The following CPQ variants were observed in gnomAD, a reference collection of about 807,000 sequenced individuals.
CPQ encodes the protein Ser-Met dipeptidase.
CPQ carries 37 observed loss-of-function variants against 45.7 expected under a neutral mutation model. The observed-to-expected ratio is 0.81, with a 90% CI of 0.62 to 1.07. The LOEUF is 1.07. Ranked by LOEUF, CPQ falls within the 50% of genes least tolerant of loss-of-function variation. The pLI, the probability that CPQ is intolerant of heterozygous loss-of-function variation, is 0.00. For synonymous variants in CPQ, 186 were observed against 205.8 expected, an observed-to-expected ratio of 0.90 and a Z score of 0.82; for missense variants, 537 against 572.9, an observed-to-expected ratio of 0.94 and a Z score of 0.64.
intron 1 of CPQ, among the ~76,000 whole-genome samples, chr8:96,646,439 G>C (rs956646667): frequency 6.6e-6 from 1 of 152,152 alleles, no homozygotes; most frequent in African/African-American, 2.4e-5. Flanking sequence ...TGTAAAACCA[G>C]GCTTTTCTTT....
In CPQ at chr8:96,774,509, G is replaced by A. The variant is rs1435086628; in HGVS notation, c.-34-10355G>A. On this transcript the variant is annotated intron_variant, in intron 1 of 7. Coordinates refer to ENST00000220763, the MANE Select transcript of CPQ (RefSeq NM_016134.4). The stretch of plus-strand genomic sequence containing the variant: ...AATGTGTCACATGAGTGATAATGAG[G>A]TTGTGAGCTAGGGAAGTGATGGTAA... Among the ~76,000 whole-genome samples the A allele has an allele frequency of 2.0e-5, 3 of 152,138 alleles. No individual in the cohort carries two copies. The South Asian group carries it at 6.2e-4, about 32-fold the overall frequency.
At chr8:96,922,801 G>C (rs2130912233) in intron 4 of CPQ, among the ~76,000 whole-genome samples, 1 of 152,202 alleles carries the variant, frequency 6.6e-6, no homozygotes, top group Middle Eastern at 3.4e-3. Context: ...CTCCTCTCAA[G>C]TGAATACATA....
At chr8:96,682,845 A>T (rs952615705) in intron 1 of CPQ, among the ~76,000 whole-genome samples, 2 of 152,092 alleles carry the variant, frequency 1.3e-5, no homozygotes, top group African/African-American at 2.4e-5. Context: ...TACAGATGAG[A>T]TGAGTTTCTT....
At chr8:96,838,317 A>C (rs1023831390) in intron 3 of CPQ, among the ~76,000 whole-genome samples, 1 of 152,148 alleles carries the variant, frequency 6.6e-6, no homozygotes, top group Non-Finnish European at 1.5e-5. Flanking sequence ...GGGTGGTCAG[A>C]ATGTGGCCTT....
intron 4 of CPQ, among the ~76,000 whole-genome samples, chr8:96,889,093 G>A (rs1211305093): frequency 6.6e-6 from 1 of 152,222 alleles, no homozygotes; most frequent in Non-Finnish European, 1.5e-5. Flanking sequence ...CCCATTAGGA[G>A]GGACAGCCCA....
At chr8:97,059,033 C>T (rs961225227) in intron 6 of CPQ, among the ~76,000 whole-genome samples, 5 of 151,990 alleles carry the variant, frequency 3.3e-5, no homozygotes, top group African/African-American at 9.7e-5. Context: ...CTGTTATGAC[C>T]GTAGTGTCAT....
At chr8:97,002,905 A>G (rs79426698) in intron 5 of CPQ, among the ~76,000 whole-genome samples, 1 of 152,084 alleles carries the variant, frequency 6.6e-6, no homozygotes, top group Admixed American at 6.6e-5. Context: ...AGTCTCCTTG[A>G]AGTTCTCTAG....
chr8:96,703,834 A>C (rs1261315793), intron 1 of CPQ, among the ~76,000 whole-genome samples: 1 of 152,130 alleles, frequency 6.6e-6, no homozygotes. Flanking sequence ...AGAATCTGTA[A>C]GGGGATTCTT....
At chr8:96,878,031 C>T (rs142790150) in intron 3 of CPQ, among the ~76,000 whole-genome samples, 2,489 of 152,048 alleles carry the variant, frequency 0.016, 68 homozygotes, top group African/African-American at 0.054. Context: ...GGCATGATCT[C>T]GGCTCACTGC....
At chr8:97,125,394 G>A (rs1445332249) in intron 7 of CPQ, among the ~76,000 whole-genome samples, 2 of 152,068 alleles carry the variant, frequency 1.3e-5, no homozygotes, top group African/African-American at 2.4e-5. Flanking sequence ...ATTTTATAAG[G>A]CGTGTATGAC....
intron 1 of CPQ, among the ~76,000 whole-genome samples, chr8:96,744,317 GCCTC>G (rs1810143843): frequency 6.6e-6 from 1 of 152,250 alleles, no homozygotes; most frequent in African/African-American, 2.4e-5. Flanking sequence ...GTGAGGCAAT[GCCTC>G]GCCCTGCTTC....
chr8:97,117,588 A>G (rs1197640626), intron 7 of CPQ, among the ~76,000 whole-genome samples: 1 of 152,134 alleles, frequency 6.6e-6, no homozygotes, highest in Non-Finnish European at 1.5e-5. Context: ...GCTTGAGTAC[A>G]GTGGTGCAAC....
Position 96,734,344 on chromosome 8 carries a change from A to G in CPQ, c.-34-50520A>G, listed in dbSNP as rs1237497384. ...CAGGCTTCCCACATCCTCTTTGGAT[A>G]TTCTCCAGTCCATTCTCCATGTTGC... On this transcript the variant is annotated intron_variant, in intron 1 of 7. Transcript: ENST00000220763. 2.0e-5 allele frequency among the ~76,000 whole-genome samples: 3 copies of G among 152,142 alleles called. 1 individual carries two copies. The highest frequency in any genetic ancestry group is 4.4e-5 in the Non-Finnish European group (3 of 68,028).
chr8:96,911,675 G>A (rs1166793725), intron 4 of CPQ, among the ~76,000 whole-genome samples: 1 of 152,132 alleles, frequency 6.6e-6, no homozygotes, highest in Non-Finnish European at 1.5e-5. Flanking sequence ...GGCCTTCCTG[G>A]CAACAAAACT....
intron 4 of CPQ, among the ~76,000 whole-genome samples, chr8:96,941,309 T>C (rs1053972952): frequency 1.3e-5 from 2 of 152,148 alleles, no homozygotes; most frequent in Non-Finnish European, 2.9e-5. Context: ...CCTTGCACTC[T>C]TACTATTATA....
At chr8:96,812,341 A>C (rs974047387) in intron 2 of CPQ, among the ~76,000 whole-genome samples, 4 of 152,154 alleles carry the variant, frequency 2.6e-5, no homozygotes, top group Admixed American at 6.6e-5. Context: ...AGTTTACATT[A>C]ATTTTTAAAA....
At chr8:97,112,325 G>A (rs761632481) in intron 7 of CPQ, among the ~76,000 whole-genome samples, 2 of 152,060 alleles carry the variant, frequency 1.3e-5, no homozygotes, top group Non-Finnish European at 2.9e-5. Context: ...AAAAGTACAA[G>A]GACTGTGGGC....
At chr8:97,102,036 C>T (rs1041899728) in intron 7 of CPQ, among the ~76,000 whole-genome samples, 12 of 151,334 alleles carry the variant, frequency 7.9e-5, no homozygotes, top group Non-Finnish European at 1.6e-4. Context: ...CTGCTTGCTG[C>T]TCTGAAAGAG....
chr8:96,896,024 A>G (rs1191834471), intron 4 of CPQ, among the ~76,000 whole-genome samples: 1 of 151,970 alleles, frequency 6.6e-6, no homozygotes, highest in East Asian at 1.9e-4. Context: ...GTAAATCTCC[A>G]TTTGTGTATT....
Sources: gnomAD v4.1 joint callset for allele counts (sites outside exome capture counted in the v4.1 genomes callset) on GRCh38, gnomAD v4.1.1 for gene constraint, MANE v1.5 for transcripts, NCBI Gene and HGNC (gene_info 2026-07-23, HGNC 2026-07-21) for gene names.